Variants in CDH20 observed in about 807,000 individuals in gnomAD.
CDH20 encodes the protein cadherin-20.
CDH20 carries 29 observed loss-of-function variants against 74.2 expected under a neutral mutation model. The ratio of observed to expected loss-of-function variants is 0.39; its 90% CI spans 0.29 to 0.53. CDH20 has a LOEUF of 0.53. CDH20 is among the 20% of genes least tolerant of loss of function. The probability of loss-of-function intolerance (pLI) is 0.69; values close to 1 mark genes in which losing one functional copy is unlikely to be tolerated. For synonymous variants in CDH20, 469 were observed against 405.4 expected (o/e 1.16, Z -1.88); for missense variants, 988 against 1,048.3 (o/e 0.94, Z 0.79).
At chr18:61,384,200 T>C (rs1264788208) in intron 1 of CDH20, among the ~76,000 whole-genome samples, 1 of 152,130 alleles carries the variant, frequency 6.6e-6, no homozygotes, top group African/African-American at 2.4e-5. Context: ...TAGTAAATCA[T>C]TCCAAAAATG....
At chr18:61,467,651 A>G (rs950206032) in intron 1 of CDH20, among the ~76,000 whole-genome samples, 1 of 152,220 alleles carries the variant, frequency 6.6e-6, no homozygotes, top group Middle Eastern at 3.2e-3. Context: ...TTTCTTCTCT[A>G]CTTTTGGAAA....
At chr18:61,400,447 T>C (rs576961708) in intron 1 of CDH20, among the ~76,000 whole-genome samples, 1 of 152,322 alleles carries the variant, frequency 6.6e-6, no homozygotes, top group South Asian at 2.1e-4. Context: ...AAAGCAGGAC[T>C]CTCTTCTCTG....
chr18:61,453,366 C>T (rs1255230286), intron 1 of CDH20, among the ~76,000 whole-genome samples: 1 of 152,178 alleles, frequency 6.6e-6, no homozygotes, highest in Non-Finnish European at 1.5e-5. Flanking sequence ...CAACCTCCAT[C>T]TCCCGGGTTC....
chr18:61,357,877 G>A (rs1910543967), intron 1 of CDH20, among the ~76,000 whole-genome samples: 1 of 152,082 alleles, frequency 6.6e-6, no homozygotes, highest in Non-Finnish European at 1.5e-5. Flanking sequence ...CCCTTTTCAA[G>A]TGTAGCCTCT....
At chr18:61,453,117 C>T (rs1909449436) in intron 1 of CDH20, among the ~76,000 whole-genome samples, 1 of 152,116 alleles carries the variant, frequency 6.6e-6, no homozygotes, top group African/African-American at 2.4e-5. Context: ...TCCATCACCA[C>T]AGGGCCCTTT....
intron 1 of CDH20, among the ~76,000 whole-genome samples, chr18:61,462,030 G>C (rs1478366439): frequency 6.6e-6 from 1 of 152,128 alleles, no homozygotes; most frequent in Non-Finnish European, 1.5e-5. Flanking sequence ...GTTTGCATAG[G>C]AGTACCAATC....
intron 9 of CDH20, 34 bp downstream of exon 9, chr18:61,539,179 A>C (rs377573674): frequency 6.2e-7 from 1 of 1,602,822 alleles, no homozygotes; most frequent in Admixed American, 1.8e-5. Context: ...ACTCTGCTTA[A>C]CCCCTAACTT....
At chr18:61,416,013 GA>G (rs1912670506) in intron 1 of CDH20, among the ~76,000 whole-genome samples, 2 of 150,506 alleles carry the variant, frequency 1.3e-5, no homozygotes, top group Admixed American at 6.6e-5. Flanking sequence ...TAATTCCTAA[GA>G]TGATGTACTA....
At chr18:61,493,748 C>T (rs1837760188) in intron 2 of CDH20, among the ~76,000 whole-genome samples, 1 of 152,232 alleles carries the variant, frequency 6.6e-6, no homozygotes, top group African/African-American at 2.4e-5. Flanking sequence ...TCTAGCTTCT[C>T]CATATCTATA....
chr18:61,435,483 G>A (rs115773009), intron 1 of CDH20, among the ~76,000 whole-genome samples: 1 of 151,944 alleles, frequency 6.6e-6, no homozygotes, highest in Non-Finnish European at 1.5e-5. Flanking sequence ...GCATCATAAA[G>A]AGAACCTAAT....
At chr18:61,547,932 G>A (rs368937531) in intron 10 of CDH20, among the ~76,000 whole-genome samples, 24 of 152,092 alleles carry the variant, frequency 1.6e-4, no homozygotes, top group South Asian at 1.0e-3. Flanking sequence ...CATATATATC[G>A]TAGGTATAAT....
chr18:61,349,782 AG>A (rs1016611319), intron 1 of CDH20, among the ~76,000 whole-genome samples: 2 of 151,916 alleles, frequency 1.3e-5, no homozygotes, highest in African/African-American at 4.8e-5. Context: ...AAAAGAGAGA[AG>A]GGCAAACAAT....
intron 1 of CDH20, among the ~76,000 whole-genome samples, chr18:61,394,587 C>G (rs141378827): frequency 3.5e-4 from 53 of 152,274 alleles, no homozygotes; most frequent in African/African-American, 1.3e-3. Flanking sequence ...CTGCAAACAC[C>G]TTGATCTTGG....
intron 1 of CDH20, among the ~76,000 whole-genome samples, chr18:61,337,988 C>A (rs1264811911): frequency 6.6e-6 from 1 of 152,174 alleles, no homozygotes; most frequent in Non-Finnish European, 1.5e-5. Context: ...TATAACATAA[C>A]TGTATAACAT....
chr18:61,538,566 A>G (rs1912887957), intron 8 of CDH20, among the ~76,000 whole-genome samples: 2 of 146,728 alleles, frequency 1.4e-5, no homozygotes, highest in Non-Finnish European at 3.0e-5. Flanking sequence ...AGACTCACCA[A>G]GTAAATAACT....
In CDH20 at chr18:61,554,577, T is replaced by C. The variant is rs1913560594; in HGVS notation, c.2288T>C (p.Leu763Pro). ...TCTGTGGCGGGGTCGCTGAGCTCCC[T>C]GCAGTCGGCCACGTCGGACTCGGAA... ...DGSVAGSLSS[L>P]QSATSDSEQS... The change falls in exon 12 of 12, where the codon CTG becomes CCG. Residue 763 changes from leucine to proline, a missense_variant. This residue lies in a region of CDH20 where 375 missense variants were observed against 293.1 expected (regional missense o/e 1.28). Transcript: ENST00000262717. 6.2e-7 allele frequency: 1 copy of C among 1,609,212 alleles called. No homozygotes were observed. The highest frequency in any genetic ancestry group is 1.3e-5 in the African/African-American group (1 of 74,878).
intron 9 of CDH20, among the ~76,000 whole-genome samples, chr18:61,543,944 A>T (rs1913132473): frequency 6.6e-6 from 1 of 152,210 alleles, no homozygotes; most frequent in Non-Finnish European, 1.5e-5. Context: ...CGAGCCCTTT[A>T]ACTCAAAGTC....
At chr18:61,390,337 T>G (rs1268293229) in intron 1 of CDH20, among the ~76,000 whole-genome samples, 2 of 152,204 alleles carry the variant, frequency 1.3e-5, no homozygotes, top group Non-Finnish European at 2.9e-5. Flanking sequence ...ATGCCAAATT[T>G]TACTTGATTG....
chr18:61,372,627 AAAG>A (rs1402485390), intron 1 of CDH20, among the ~76,000 whole-genome samples: 2 of 152,156 alleles, frequency 1.3e-5, no homozygotes, highest in East Asian at 3.9e-4. Context: ...AAAAAAATCA[AAAG>A]AAGAGTATTC....
Sources: gnomAD v4.1 joint callset for allele counts (sites outside exome capture counted in the v4.1 genomes callset) on GRCh38, gnomAD v4.1.1 for gene constraint, gnomAD v4.1.1 regional missense constraint, MANE v1.5 for transcripts, NCBI Gene and HGNC (gene_info 2026-07-23, HGNC 2026-07-21) for gene names.